The following TAF15 variants were observed in gnomAD, a reference collection of about 807,000 sequenced individuals.
TAF15 encodes TATA-box binding protein associated factor 15.
TAF15 carries 37 observed loss-of-function variants against 102.5 expected under a neutral mutation model. The observed-to-expected ratio is 0.36, with a 90% CI of 0.28 to 0.47. TAF15 has a LOEUF of 0.47. TAF15 is among the 20% of genes least tolerant of loss of function. The pLI, the probability that TAF15 is intolerant of heterozygous loss-of-function variation, is 0.99. For synonymous variants in TAF15, 273 were observed against 259.2 expected, an observed-to-expected ratio of 1.05 and a Z score of -0.51; for missense variants, 652 against 760.7, an observed-to-expected ratio of 0.86 and a Z score of 1.68.
intron 8 of TAF15, 78 bp downstream of exon 8, chr17:35,834,019 G>A: frequency 6.7e-7 from 1 of 1,502,032 alleles, no homozygotes; most frequent in Non-Finnish European, 9.2e-7. Context: ...CGCAGATGTA[G>A]TCAAAAGTCC....
chr17:35,812,405 T>C (rs905055561), intron 1 of TAF15, among the ~76,000 whole-genome samples: 3 of 151,798 alleles, frequency 2.0e-5, no homozygotes, highest in African/African-American at 7.3e-5. Flanking sequence ...GAGACCAGCT[T>C]GACCAACCTG....
chr17:35,839,182 G>A (rs905711027), intron 11 of TAF15, among the ~76,000 whole-genome samples: 1 of 150,138 alleles, frequency 6.7e-6, no homozygotes, highest in African/African-American at 2.5e-5. Context: ...TTAGGAGTCT[G>A]AGGTGGGAGG....
At chr17:35,836,298 A>G in intron 10 of TAF15, 57 bp downstream of exon 10, 2 of 1,264,546 alleles carry the variant, frequency 1.6e-6, no homozygotes, top group Non-Finnish European at 2.3e-6. Context: ...ATTACAATAC[A>G]TAGACTATGT....
rs769847550 is a variant in TAF15 at position 35,820,195 on chromosome 17, C to T, written c.131C>T (p.Ser44Phe). Residue 44 changes from serine to phenylalanine, a missense_variant, in exon 4 of 16, where the codon TCC (serine) becomes TTC (phenylalanine). Transcript: ENST00000605844. Reference sequence around the variant, plus strand: ...TCTGGCTATGGGCAAACGACTGATTCCTCTTATGGACAGAACTACAGCGGT... The same window carrying T: ...TCTGGCTATGGGCAAACGACTGATTTCTCTTATGGACAGAACTACAGCGGT... ...SYSGYGQTTD[S>F]SYGQNYSGYS... is the part of the protein sequence containing the mutation. 3.1e-6 allele frequency: 5 copies of T among 1,614,062 alleles called. No homozygotes were observed. The highest frequency in any genetic ancestry group is 4.2e-6 in the Non-Finnish European group (5 of 1,179,950).
At chr17:35,839,213 C>T (rs1260600986) in intron 11 of TAF15, among the ~76,000 whole-genome samples, 16 of 148,834 alleles carry the variant, frequency 1.1e-4, no homozygotes, top group Non-Finnish European at 1.6e-4. Flanking sequence ...CCCAGGAAGT[C>T]GTGGCTGCAG....
At chr17:35,819,586 A>C (rs2087236074) in intron 2 of TAF15, among the ~76,000 whole-genome samples, 1 of 152,214 alleles carries the variant, frequency 6.6e-6, no homozygotes, top group Non-Finnish European at 1.5e-5. Context: ...CATTTAACTA[A>C]GGCAAATGGT....
rs531330721 is a variant in TAF15 at position 35,814,463 on chromosome 17, C to A, written c.8-3253C>A. Among the ~76,000 whole-genome samples the A allele has an allele frequency of 7.2e-5, 11 of 152,056 alleles. No homozygotes were observed. In the South Asian group the frequency reaches 1.9e-3, roughly 26 times the overall value. On this transcript the variant is annotated intron_variant, in intron 1 of 15. Transcript: ENST00000605844. The stretch of plus-strand genomic sequence containing the variant: ...GATTACAGGCGTGAGCAACTGCACC[C>A]AGCTGATTTTTTTTTTTAAGTTATG...
chr17:35,819,068 A>G (rs926308452), intron 2 of TAF15, among the ~76,000 whole-genome samples: 2 of 152,054 alleles, frequency 1.3e-5, no homozygotes, highest in African/African-American at 4.8e-5. Flanking sequence ...AATGTTTTAC[A>G]GCTCAGTGTA....
chr17:35,841,600 C>T (rs2087546321), intron 11 of TAF15, among the ~76,000 whole-genome samples: 1 of 151,904 alleles, frequency 6.6e-6, no homozygotes, highest in Non-Finnish European at 1.5e-5. Context: ...GACAGGGTTT[C>T]CCCATGTTGC....
At chr17:35,840,675 C>T (rs940235552) in intron 11 of TAF15, among the ~76,000 whole-genome samples, 1 of 151,868 alleles carries the variant, frequency 6.6e-6, no homozygotes, top group African/African-American at 2.4e-5. Context: ...ATCAGCCTGG[C>T]CAACATGGTG....
intron 1 of TAF15, 78 bp downstream of exon 1, chr17:35,809,654 GGGCCCTGAGGAGAAGCCTCC>G: frequency 1.9e-6 from 3 of 1,602,214 alleles, no homozygotes; most frequent in South Asian, 1.1e-5. Flanking sequence ...GCCCACCGGA[GGGCCCTGAGGAGAAGCCTCC>G]GGCCCTGAGG....
At chr17:35,809,749 A>G in intron 1 of TAF15, 173 bp downstream of exon 1, 1 of 830,260 alleles carries the variant, frequency 1.2e-6, no homozygotes, top group Non-Finnish European at 1.9e-6. Flanking sequence ...GCACGCTCCC[A>G]ATGGCTCCCC....
At chr17:35,844,244 A>G (rs2087582155) in intron 13 of TAF15, 36 bp from the exon 14 acceptor site, 1 of 1,612,184 alleles carries the variant, frequency 6.2e-7, no homozygotes, top group African/African-American at 1.3e-5. Flanking sequence ...TCCATTAGAA[A>G]CTATATAGGA....
At chr17:35,824,240 T>C (rs774883087) in intron 7 of TAF15, 42 bp downstream of exon 7, 1 of 1,561,386 alleles carries the variant, frequency 6.4e-7, no homozygotes. Flanking sequence ...TTCTTCTTCC[T>C]CTTTTTTTTT....
intron 1 of TAF15, 111 bp downstream of exon 1, chr17:35,809,687 G>A: frequency 6.7e-7 from 1 of 1,493,076 alleles, no homozygotes; most frequent in Non-Finnish European, 9.3e-7. Flanking sequence ...CCCTGAGGGA[G>A]GCTTGGGGTG....
At position 35,844,629 on chromosome 17, in the gene TAF15, G is replaced by A. The variant is rs751695123; in HGVS notation, c.1330G>A (p.Gly444Ser). 2 of 1,605,508 alleles carry A rather than the reference G, an allele frequency of 1.2e-6. No individual in the cohort carries two copies. Among genetic ancestry groups the A allele is most frequent in the East Asian group, 2.2e-5 (1 of 44,616 alleles). Residue 444 changes from glycine to serine, a missense_variant, in exon 15 of 16, where the codon GGC becomes AGC. This residue lies in a region of TAF15 where 368 missense variants were observed against 367.5 expected (regional missense o/e 1.00). Coordinates refer to ENST00000605844, the MANE Select transcript of TAF15 (RefSeq NM_139215.3). ...TGGCTACAGCGGAGATAGAAGTGGG[G>A]GCGGCTATGGTGGAGACAGAAGTGG... ...GGGYSGDRSG[G>S]GYGGDRSGGG... is the part of the protein sequence containing the mutation.
At chr17:35,837,295 A>G (rs909733348) in intron 10 of TAF15, among the ~76,000 whole-genome samples, 5 of 151,720 alleles carry the variant, frequency 3.3e-5, no homozygotes, top group African/African-American at 7.3e-5. Context: ...GGAACCACTA[A>G]TGCATGTCCT....
chr17:35,834,736 ATTTC>A, intron 9 of TAF15, 138 bp downstream of exon 9: 1 of 239,378 alleles, frequency 4.2e-6, no homozygotes, highest in Non-Finnish European at 6.8e-6. Flanking sequence ...GGGGAGCTTT[ATTTC>A]TTTTTTTTTT....
At chr17:35,828,473 C>T (rs1380324714) in intron 7 of TAF15, among the ~76,000 whole-genome samples, 2 of 152,152 alleles carry the variant, frequency 1.3e-5, no homozygotes, top group Non-Finnish European at 2.9e-5. Context: ...ATGGCCTGCG[C>T]CTGTAATCCT....
Sources: gnomAD v4.1 joint callset for allele counts (sites outside exome capture counted in the v4.1 genomes callset) on GRCh38, gnomAD v4.1.1 for gene constraint, gnomAD v4.1.1 regional missense constraint, MANE v1.5 for transcripts, NCBI Gene and HGNC (gene_info 2026-07-23, HGNC 2026-07-21) for gene names.